The following FBN2 variants were observed in gnomAD, a reference collection of about 807,000 sequenced individuals.
FBN2 encodes fibrillin-2.
Under a neutral mutation model 355.6 loss-of-function variants are expected in FBN2, and 105 were observed. The observed-to-expected ratio is 0.30, with a 90% CI of 0.25 to 0.35. The LOEUF is 0.35. Ranked by LOEUF, FBN2 falls within the 10% of genes least tolerant of loss-of-function variation. The pLI is 1.00. For synonymous variants in FBN2, 1,350 were observed against 1,301.2 expected (o/e 1.04, Z -0.81); for missense variants, 3,280 against 3,758.7 (o/e 0.87, Z 3.33).
At chr5:128,416,251 C>A (rs1290408631) in intron 7 of FBN2, among the ~76,000 whole-genome samples, 1 of 152,210 alleles carries the variant, frequency 6.6e-6, no homozygotes, top group Non-Finnish European at 1.5e-5. Flanking sequence ...TCTCAAACTC[C>A]TGACCTCAGG....
chr5:128,302,207 T>G (rs1749738350), intron 46 of FBN2, among the ~76,000 whole-genome samples: 1 of 152,194 alleles, frequency 6.6e-6, no homozygotes, highest in Non-Finnish European at 1.5e-5. Context: ...AGCTCTGATG[T>G]AGTCCCACAA....
At chr5:128,317,551 T>A (rs1260354351) in intron 36 of FBN2, among the ~76,000 whole-genome samples, 1 of 152,150 alleles carries the variant, frequency 6.6e-6, no homozygotes, top group Non-Finnish European at 1.5e-5. Context: ...CCTTTTTTTG[T>A]ATACTTCCAG....
At chr5:128,384,218 T>C (rs1752309993) in intron 11 of FBN2, among the ~76,000 whole-genome samples, 1 of 152,064 alleles carries the variant, frequency 6.6e-6, no homozygotes, top group Non-Finnish European at 1.5e-5. Flanking sequence ...TTCATTTATA[T>C]AAAATTCTAC....
chr5:128,495,582 C>G (rs72785152), intron 5 of FBN2, among the ~76,000 whole-genome samples: 8,757 of 151,986 alleles, frequency 0.058, 339 homozygotes, highest in South Asian at 0.088. Context: ...GGATAAAAAG[C>G]CTTAAGACTC....
intron 6 of FBN2, among the ~76,000 whole-genome samples, chr5:128,460,021 A>T (rs1411530967): frequency 6.6e-6 from 1 of 152,198 alleles, no homozygotes; most frequent in Non-Finnish European, 1.5e-5. Flanking sequence ...ATGAAGTCAA[A>T]TTGTATCTGT....
intron 5 of FBN2, among the ~76,000 whole-genome samples, chr5:128,482,598 T>A (rs1755222622): frequency 6.6e-6 from 1 of 152,210 alleles, no homozygotes; most frequent in South Asian, 2.1e-4. Context: ...TATGGGGAGC[T>A]ATCATTTTTT....
chr5:128,484,921 A>G (rs1755295201), intron 5 of FBN2, among the ~76,000 whole-genome samples: 1 of 152,182 alleles, frequency 6.6e-6, no homozygotes, highest in Non-Finnish European at 1.5e-5. Flanking sequence ...TGACTGGGAG[A>G]GCAATCAGAC....
chr5:128,288,984 G>T, intron 52 of FBN2, 143 bp downstream of exon 52: 2 of 806,668 alleles, frequency 2.5e-6, no homozygotes, highest in South Asian at 1.5e-5. Flanking sequence ...GAAAATGTAA[G>T]ACTGGTGAAG....
At chr5:128,310,398 ATATATTTTTTTT>A (rs1187896020) in intron 39 of FBN2, among the ~76,000 whole-genome samples, 1,189 of 11,192 alleles carry the variant, frequency 0.11, 10 homozygotes, top group Middle Eastern at 0.15. Flanking sequence ...ATATATATAT[ATATATTTTTTTT>A]TTTTTTTTTT....
At chr5:128,260,467 A>G (rs1194535244) in intron 64 of FBN2, among the ~76,000 whole-genome samples, 5 of 152,224 alleles carry the variant, frequency 3.3e-5, no homozygotes, top group Non-Finnish European at 7.3e-5. Context: ...GAGGAGCACA[A>G]ATATATCAAA....
intron 5 of FBN2, among the ~76,000 whole-genome samples, chr5:128,484,524 G>A (rs1263307750): frequency 6.6e-6 from 1 of 152,112 alleles, no homozygotes; most frequent in Non-Finnish European, 1.5e-5. Context: ...ACACAGAAGA[G>A]AATACAAATG....
At chr5:128,263,694 C>T (rs769902792) in intron 62 of FBN2, 38 bp from the exon 63 acceptor site, 45 of 1,506,866 alleles carry the variant, frequency 3.0e-5, no homozygotes, top group Non-Finnish European at 4.0e-5. Flanking sequence ...CACGGGGAAG[C>T]AGGCAAGAGC....
chr5:128,449,258 T>C (rs1383002946), intron 6 of FBN2, among the ~76,000 whole-genome samples: 3 of 149,482 alleles, frequency 2.0e-5, no homozygotes, highest in Non-Finnish European at 4.5e-5. Context: ...TGTAAAGTTA[T>C]TACATTATAA....
At chr5:128,482,725 T>C (rs1374512727) in intron 5 of FBN2, among the ~76,000 whole-genome samples, 1 of 152,182 alleles carries the variant, frequency 6.6e-6, no homozygotes, top group African/African-American at 2.4e-5. Context: ...CCATGTCACC[T>C]GCAAATATTA....
intron 19 of FBN2, among the ~76,000 whole-genome samples, chr5:128,359,911 G>T (rs559762663): frequency 2.6e-4 from 39 of 152,178 alleles, no homozygotes; most frequent in African/African-American, 9.4e-4. Context: ...TGATAATTCA[G>T]TGTACATAGC....
intron 61 of FBN2, 37 bp from the exon 62 acceptor site, chr5:128,272,155 T>G (rs1192997358): frequency 6.2e-7 from 1 of 1,613,188 alleles, no homozygotes; most frequent in Non-Finnish European, 8.5e-7. Flanking sequence ...TTATGTCACC[T>G]TTCTTCTACT....
chr5:128,451,207 A>T (rs1754232096), intron 6 of FBN2, among the ~76,000 whole-genome samples: 1 of 152,108 alleles, frequency 6.6e-6, no homozygotes. Flanking sequence ...TCTTCCTCCT[A>T]TTAGCTATAT....
At chr5:128,454,534 C>T (rs899371603) in intron 6 of FBN2, among the ~76,000 whole-genome samples, 1 of 152,144 alleles carries the variant, frequency 6.6e-6, no homozygotes, top group African/African-American at 2.4e-5. Context: ...TTACTTTTTA[C>T]TTGGCTATGT....
chr5:128,285,340 A>G (rs879667711), intron 55 of FBN2, among the ~76,000 whole-genome samples: 2 of 152,174 alleles, frequency 1.3e-5, no homozygotes, highest in Non-Finnish European at 2.9e-5. Flanking sequence ...TCTAGTTGTG[A>G]AAACACATTG....
Sources: gnomAD v4.1 joint callset for allele counts (sites outside exome capture counted in the v4.1 genomes callset) on GRCh38, gnomAD v4.1.1 for gene constraint, MANE v1.5 for transcripts, NCBI Gene and HGNC (gene_info 2026-07-23, HGNC 2026-07-21) for gene names.